The following CD8B2 variants were observed in gnomAD, a reference collection of about 807,000 sequenced individuals.
CD8B2 encodes CD8B family member 2.
Under a neutral mutation model 23.7 loss-of-function variants are expected in CD8B2, and 11 were observed. That is an observed-to-expected ratio of 0.46 (90% CI 0.29 to 0.77). The LOEUF (loss-of-function observed/expected upper bound fraction) is 0.77, where lower values mean the gene tolerates loss of function less well. Among genes scored for constraint, CD8B2 ranks in the 30% least tolerant of loss-of-function variants. The pLI, the probability that CD8B2 is intolerant of heterozygous loss-of-function variation, is 0.09. For missense variants in CD8B2, 197 were observed against 270.5 expected (o/e 0.73, Z 1.91); for synonymous variants, 90 against 109.3 (o/e 0.82, Z 1.10).
At chr2:106,536,232 A>C (rs1479022145) in intron 5 of CD8B2, among the ~76,000 whole-genome samples, 1 of 151,942 alleles carries the variant, frequency 6.6e-6, no homozygotes, top group African/African-American at 2.4e-5. Context: ...GGGTTTCTCC[A>C]TGTTGGTCAG....
intron 5 of CD8B2, among the ~76,000 whole-genome samples, chr2:106,504,762 CTCATCCCATCCGTTATT>C (rs899292345): frequency 1.2e-4 from 19 of 152,312 alleles, no homozygotes; most frequent in African/African-American, 4.6e-4. Context: ...GTATCCCAAA[CTCATCCCATCCGTTATT>C]TCATCCCACC....
intron 5 of CD8B2, among the ~76,000 whole-genome samples, chr2:106,532,863 T>TGGG (rs1680009079): frequency 6.6e-6 from 1 of 152,202 alleles, no homozygotes; most frequent in Non-Finnish European, 1.5e-5. Flanking sequence ...GCTGACCTCC[T>TGGG]ATCTCATTCT....
chr2:106,544,075 G>C (rs186557715), exon 6 of CD8B2: 107 of 398,662 alleles, frequency 2.7e-4, no homozygotes, highest in African/African-American at 2.0e-3. Flanking sequence ...TTGGTCAAGA[G>C]CACGTGGGTG....
intron 5 of CD8B2, among the ~76,000 whole-genome samples, chr2:106,533,206 C>T (rs1038137310): frequency 6.6e-6 from 1 of 152,270 alleles, no homozygotes. Context: ...AATCCGGGGG[C>T]ACCAGGGCTT....
chr2:106,529,067 C>T (rs1183001465), intron 5 of CD8B2, among the ~76,000 whole-genome samples: 2 of 152,218 alleles, frequency 1.3e-5, no homozygotes, highest in Non-Finnish European at 2.9e-5. Flanking sequence ...GCGGCACAGG[C>T]AGCAGCTCCC....
intron 5 of CD8B2, among the ~76,000 whole-genome samples, chr2:106,519,021 A>G (rs577926110): frequency 2.1e-4 from 31 of 150,516 alleles, no homozygotes; most frequent in Non-Finnish European, 4.1e-4. Flanking sequence ...CAACCATTCC[A>G]TCAATCCCTC....
At chr2:106,528,722 C>T (rs1679949628) in intron 5 of CD8B2, among the ~76,000 whole-genome samples, 1 of 152,216 alleles carries the variant, frequency 6.6e-6, no homozygotes, top group Admixed American at 6.5e-5. Context: ...AACTGTGTGG[C>T]AGACACTGTG....
chr2:106,529,728 G>A (rs1248866097), intron 5 of CD8B2, among the ~76,000 whole-genome samples: 1 of 152,206 alleles, frequency 6.6e-6, no homozygotes, highest in Non-Finnish European at 1.5e-5. Flanking sequence ...TGAACTGGAA[G>A]TTGGGACTGA....
chr2:106,497,078 C>A (rs1276650038), intron 3 of CD8B2, among the ~76,000 whole-genome samples: 2 of 152,156 alleles, frequency 1.3e-5, no homozygotes, highest in Non-Finnish European at 1.5e-5. Context: ...GAGTTAGAGA[C>A]CAGCCTGGGC....
At chr2:106,534,221 C>T (rs930987692) in intron 5 of CD8B2, among the ~76,000 whole-genome samples, 1 of 152,114 alleles carries the variant, frequency 6.6e-6, no homozygotes, top group Non-Finnish European at 1.5e-5. Context: ...GAAAGTCATG[C>T]AGTCATTGGT....
intron 5 of CD8B2, among the ~76,000 whole-genome samples, chr2:106,523,070 A>G (rs1267328358): frequency 6.6e-6 from 1 of 152,176 alleles, no homozygotes; most frequent in African/African-American, 2.4e-5. Context: ...TGGTCTTTGA[A>G]CTCAAACCCA....
chr2:106,527,569 G>C (rs912230909), intron 5 of CD8B2, among the ~76,000 whole-genome samples: 1 of 152,314 alleles, frequency 6.6e-6, no homozygotes, highest in East Asian at 1.9e-4. Context: ...TGGATCATGC[G>C]GCCAGGAGTT....
intron 1 of CD8B2, 101 bp from the exon 2 acceptor site, chr2:106,490,773 C>T (rs370792729): frequency 6.6e-7 from 1 of 1,521,564 alleles, no homozygotes; most frequent in African/African-American, 1.4e-5. Context: ...TGGGCAGGTT[C>T]TTCCATGGCT....
chr2:106,525,118 G>T (rs1224466157), intron 5 of CD8B2, among the ~76,000 whole-genome samples: 4 of 152,266 alleles, frequency 2.6e-5, no homozygotes, highest in Middle Eastern at 3.4e-3. Flanking sequence ...TCTGTTTGTT[G>T]TCTAATACAC....
downstream of CD8B2, among the ~76,000 whole-genome samples, chr2:106,512,895 C>T (rs1249532598): frequency 1.3e-5 from 2 of 152,180 alleles, no homozygotes; most frequent in Admixed American, 6.5e-5. Context: ...AGCCTCTAGG[C>T]CTCAGTTCCC....
chr2:106,508,491 T>C lies in CD8B2; in HGVS notation c.*1551T>C, dbSNP rs2104561408. ...CCGGAAGGAGGGCCTTGAGTGTAAGTTGTCCAGGTCCTTGGCATTTTGAAC... is the reference window on the plus strand; with the variant it reads ...CCGGAAGGAGGGCCTTGAGTGTAAGCTGTCCAGGTCCTTGGCATTTTGAAC... On this transcript the variant is annotated 3_prime_UTR_variant, in exon 6 of 6. Coordinates refer to ENST00000643224, the MANE Select transcript of CD8B2 (RefSeq NM_001349727.2). 6.6e-6 allele frequency: 1 copy of C among 152,076 alleles called. No homozygotes were observed. The highest frequency in any genetic ancestry group is 2.1e-4 in the South Asian group (1 of 4,804). 9.4% of individuals were successfully genotyped at this position (152,076 alleles called of 1,614,324 possible). A position where few individuals can be genotyped will look rare whatever the true frequency, so the allele number is the denominator to read the frequency against.
At chr2:106,498,786 G>T (rs1364551994) in intron 3 of CD8B2, among the ~76,000 whole-genome samples, 4 of 152,154 alleles carry the variant, frequency 2.6e-5, no homozygotes, top group Non-Finnish European at 5.9e-5. Context: ...TATACACCAG[G>T]CACTCAGAGC....
downstream of CD8B2, among the ~76,000 whole-genome samples, chr2:106,515,978 A>C (rs1214219086): frequency 1.3e-5 from 2 of 150,868 alleles, no homozygotes; most frequent in Non-Finnish European, 3.0e-5. Flanking sequence ...ACCCACCACC[A>C]TGCTCAGCTA....
downstream of CD8B2, among the ~76,000 whole-genome samples, chr2:106,513,471 TTG>T (rs1475316727): frequency 3.3e-5 from 5 of 150,466 alleles, no homozygotes; most frequent in African/African-American, 1.2e-4. Context: ...CTCAAAAAAG[TTG>T]TGTTTGGCTG....
Sources: allele counts gnomAD v4.1 joint callset (sites outside exome capture counted in the v4.1 genomes callset), GRCh38; gene constraint gnomAD v4.1.1; transcripts MANE v1.5; gene names NCBI Gene and HGNC (gene_info 2026-07-23, HGNC 2026-07-21).